ATP11B: variants seen among roughly 807,000 people sequenced by gnomAD.
The protein encoded by ATP11B is ATPase phospholipid transporting 11B (putative), also known as phospholipid-transporting ATPase IF.
In ATP11B, 81 loss-of-function variants were observed where a neutral mutation model predicts 157.8. That is an observed-to-expected ratio of 0.51 (90% CI 0.43 to 0.62). ATP11B has a LOEUF of 0.62. Ranked by LOEUF, ATP11B falls within the 20% of genes least tolerant of loss-of-function variation. The probability of loss-of-function intolerance (pLI) is 0.00; values close to 1 mark genes in which losing one functional copy is unlikely to be tolerated. For synonymous variants in ATP11B, 451 were observed against 469.4 expected (o/e 0.96, Z 0.51); for missense variants, 1,165 against 1,402.2 (o/e 0.83, Z 2.70).
intron 10 of ATP11B, among the ~76,000 whole-genome samples, chr3:182,854,771 AC>A: frequency 3.7e-5 from 1 of 26,720 alleles, no homozygotes; most frequent in Non-Finnish European, 2.3e-4. Context: ...ACACACACAC[AC>A]ACACACACAC....
intron 3 of ATP11B, among the ~76,000 whole-genome samples, chr3:182,829,299 C>T (rs1166780040): frequency 6.6e-6 from 1 of 152,148 alleles, no homozygotes; most frequent in African/African-American, 2.4e-5. Flanking sequence ...TTTCCATAGT[C>T]CCATTCCTAG....
At chr3:182,863,285 A>G (rs1346971661) in intron 12 of ATP11B, among the ~76,000 whole-genome samples, 1 of 152,116 alleles carries the variant, frequency 6.6e-6, no homozygotes, top group Admixed American at 6.6e-5. Context: ...CTTTAATTAC[A>G]TATTATATAT....
chr3:182,905,874 G>C (rs1384766830), intron 28 of ATP11B: 1 of 456,712 alleles, frequency 2.2e-6, no homozygotes, highest in African/African-American at 2.0e-5. Flanking sequence ...GTAGGCACCT[G>C]CTAGCTGAGG....
intron 1 of ATP11B, among the ~76,000 whole-genome samples, chr3:182,816,292 A>C (rs976898375): frequency 6.6e-6 from 1 of 152,200 alleles, no homozygotes; most frequent in Non-Finnish European, 1.5e-5. Context: ...GCATTGATCT[A>C]TCTCAGGTCC....
chr3:182,867,309 A>G (rs1490832425), intron 14 of ATP11B, 67 bp from the exon 15 acceptor site: 3 of 908,844 alleles, frequency 3.3e-6, no homozygotes, highest in Non-Finnish European at 5.4e-6. Context: ...AAGTTAAGCT[A>G]TAGTGACATT....
intron 28 of ATP11B, among the ~76,000 whole-genome samples, chr3:182,910,047 G>A (rs1266397972): frequency 7.2e-6 from 1 of 138,634 alleles, no homozygotes; most frequent in East Asian, 2.3e-4. Flanking sequence ...CTCCAGCCTG[G>A]GCAACAGAGT....
In ATP11B at chr3:182,865,726, G is replaced by C. The variant is rs756876395; in HGVS notation, c.1443+28G>C. The C allele has an allele frequency of 4.5e-6, 7 of 1,557,696 alleles. No homozygotes were observed. In the East Asian group the frequency reaches 1.6e-4, roughly 36 times the overall value. Reference sequence around the variant, plus strand: ...AAGTAATTTTTAAATTAATAAATAAGGGTTTCATATGAAATAATTCTCTTC... The same window carrying C: ...AAGTAATTTTTAAATTAATAAATAACGGTTTCATATGAAATAATTCTCTTC... On this transcript the variant is annotated intron_variant, in intron 13 of 29. Transcript: ENST00000323116.
Position 182,920,864 on chromosome 3 carries a change from A to G in ATP11B, c.*2760A>G, listed in dbSNP as rs1725437607. ...CTAACTGTCCTCTTTCTTGGGTCTAAAGCTCATAATACACAAAGGCTTCCA... is the reference window on the plus strand; with the variant it reads ...CTAACTGTCCTCTTTCTTGGGTCTAGAGCTCATAATACACAAAGGCTTCCA... On this transcript the variant is annotated 3_prime_UTR_variant, in exon 30 of 30. Coordinates refer to ENST00000323116, the MANE Select transcript of ATP11B (RefSeq NM_014616.3). The G allele has an allele frequency of 6.6e-6, 1 of 152,238 alleles. No individual in the cohort carries two copies. The highest frequency in any genetic ancestry group is 2.4e-5 in the African/African-American group (1 of 41,440). 9.4% of individuals were successfully genotyped at this position (152,238 alleles called of 1,614,324 possible). A position where few individuals can be genotyped will look rare whatever the true frequency, so the allele number is the denominator to read the frequency against.
chr3:182,863,233 G>A (rs1720985601), intron 12 of ATP11B, among the ~76,000 whole-genome samples: 1 of 152,066 alleles, frequency 6.6e-6, no homozygotes, highest in Admixed American at 6.6e-5. Context: ...ACATTTAGGA[G>A]GCCTTAATAA....
chr3:182,832,368 CCTT>C (rs1192694872), intron 4 of ATP11B, among the ~76,000 whole-genome samples: 3 of 152,066 alleles, frequency 2.0e-5, no homozygotes, highest in African/African-American at 7.2e-5. Flanking sequence ...AAGATTTTCT[CCTT>C]AACTCAAAAC....
chr3:182,909,783 G>A (rs1343403805), intron 28 of ATP11B, among the ~76,000 whole-genome samples: 1 of 152,066 alleles, frequency 6.6e-6, no homozygotes, highest in Admixed American at 6.6e-5. Flanking sequence ...AGCAGCTGAG[G>A]CTGGCCACGG....
At chr3:182,881,886 C>T (rs985918859) in intron 21 of ATP11B, among the ~76,000 whole-genome samples, 1 of 152,148 alleles carries the variant, frequency 6.6e-6, no homozygotes, top group Non-Finnish European at 1.5e-5. Flanking sequence ...TACTAAACTG[C>T]GATAAACACA....
In ATP11B at chr3:182,867,816, C is replaced by A. The variant is rs139167337; in HGVS notation, c.1688+372C>A. Among the ~76,000 whole-genome samples, 205 of 152,102 alleles carry A rather than the reference C, an allele frequency of 1.3e-3. 1 individual carries two copies. The highest frequency in any genetic ancestry group is 4.8e-3 in the African/African-American group (200 of 41,510). On this transcript the variant is annotated intron_variant, in intron 15 of 29. Coordinates refer to ENST00000323116, the MANE Select transcript of ATP11B (RefSeq NM_014616.3). Reference sequence around the variant, plus strand: ...AAACTCCTAGCCTCAAGAGATCCACCCACCTTGGCCTCCCAAAATGCAGGG... The same window carrying A: ...AAACTCCTAGCCTCAAGAGATCCACACACCTTGGCCTCCCAAAATGCAGGG...
At chr3:182,808,151 T>G (rs1347472001) in intron 1 of ATP11B, among the ~76,000 whole-genome samples, 1 of 152,232 alleles carries the variant, frequency 6.6e-6, no homozygotes. Flanking sequence ...TTTCATCTCC[T>G]GAACTACAAG....
chr3:182,821,547 C>CTTAGGTTATTCCTGTGGT (rs1717347507), intron 2 of ATP11B, among the ~76,000 whole-genome samples: 1 of 152,056 alleles, frequency 6.6e-6, no homozygotes, highest in Non-Finnish European at 1.5e-5. Context: ...TTTCCTGTGG[C>CTTAGGTTATTCCTGTGGT]ATTTTTAAGT....
At chr3:182,806,129 CTAGA>C (rs376074175) in intron 1 of ATP11B, among the ~76,000 whole-genome samples, 114 of 152,266 alleles carry the variant, frequency 7.5e-4, no homozygotes, top group African/African-American at 2.6e-3. Context: ...GGGAATTTAG[CTAGA>C]TACAGAATTC....
At position 182,858,039 on chromosome 3, in the gene ATP11B, G is replaced by T; in HGVS notation, c.1002+11G>T. Reference sequence around the variant, plus strand: ...AGAAATAGCAGTAAGGTATTTTATGGTGTTATTGACTGTGTCATAAAGGAA... The same window carrying T: ...AGAAATAGCAGTAAGGTATTTTATGTTGTTATTGACTGTGTCATAAAGGAA... On this transcript the variant is annotated intron_variant, in intron 11 of 29. Transcript: ENST00000323116. 1 of 1,605,566 alleles carries T rather than the reference G, an allele frequency of 6.2e-7. No individual in the cohort carries two copies.
At chr3:182,795,968 T>C (rs1715572263) in intron 1 of ATP11B, among the ~76,000 whole-genome samples, 1 of 152,234 alleles carries the variant, frequency 6.6e-6, no homozygotes, top group Non-Finnish European at 1.5e-5. Flanking sequence ...GTTGGAGTTA[T>C]AAGCATATTT....
At chr3:182,872,828 T>G (rs1721764221) in intron 18 of ATP11B, among the ~76,000 whole-genome samples, 1 of 152,232 alleles carries the variant, frequency 6.6e-6, no homozygotes, top group African/African-American at 2.4e-5. Context: ...TGCTTAATTC[T>G]CCAGCCTTCC....
Sources: allele counts gnomAD v4.1 joint callset (sites outside exome capture counted in the v4.1 genomes callset), GRCh38; gene constraint gnomAD v4.1.1; transcripts MANE v1.5; gene names NCBI Gene and HGNC (gene_info 2026-07-23, HGNC 2026-07-21).